Variants in MAP4K3 observed in about 807,000 individuals in gnomAD.
MAP4K3 encodes the protein MAPK/ERK kinase kinase kinase 3.
In MAP4K3, 94 loss-of-function variants were observed where a neutral mutation model predicts 143.5. The ratio of observed to expected loss-of-function variants is 0.65; its 90% CI spans 0.55 to 0.78. The LOEUF (loss-of-function observed/expected upper bound fraction) is 0.78. Ranked by LOEUF, MAP4K3 falls within the 30% of genes least tolerant of loss-of-function variation. MAP4K3 has a pLI of 0.00. For synonymous variants in MAP4K3, 416 were observed against 347.2 expected (o/e 1.20, Z -2.20); for missense variants, 1,077 against 1,068.1 (o/e 1.01, Z -0.12).
At chr2:39,365,823 C>T (rs1478794596) in intron 2 of MAP4K3, among the ~76,000 whole-genome samples, 1 of 152,140 alleles carries the variant, frequency 6.6e-6, no homozygotes, top group Non-Finnish European at 1.5e-5. Context: ...GTTTCTCATG[C>T]CATTGTTATG....
chr2:39,392,911 C>A (rs1331076042), intron 1 of MAP4K3, among the ~76,000 whole-genome samples: 1 of 152,128 alleles, frequency 6.6e-6, no homozygotes, highest in Non-Finnish European at 1.5e-5. Context: ...AAACTGTGAG[C>A]CAAATAAATC....
chr2:39,310,124 C>T (rs2148499850), intron 13 of MAP4K3, among the ~76,000 whole-genome samples: 1 of 152,252 alleles, frequency 6.6e-6, no homozygotes, highest in East Asian at 1.9e-4. Context: ...GGGAACATTC[C>T]AAATCTTCTA....
Position 39,280,259 on chromosome 2 carries a change from C to A in MAP4K3, c.1714+13G>T. ...AAATTAGGAAGATAACAGATAAAAA[C>A]ACACAATACTACCTCTTGTATCTGG... On this transcript the variant is annotated intron_variant, in intron 23 of 33. Transcript: ENST00000263881. 7.0e-7 allele frequency: 1 copy of A among 1,436,782 alleles called. No individual in the cohort carries two copies. Among genetic ancestry groups the A allele is most frequent in the Non-Finnish European group, 9.4e-7 (1 of 1,066,160 alleles). 89.0% of individuals were successfully genotyped at this position (1,436,782 alleles called of 1,614,324 possible). A position where few individuals can be genotyped will look rare whatever the true frequency, so the allele number is the denominator to read the frequency against.
intron 1 of MAP4K3, among the ~76,000 whole-genome samples, chr2:39,401,384 C>A (rs1666949624): frequency 6.6e-6 from 1 of 152,138 alleles, no homozygotes; most frequent in African/African-American, 2.4e-5. Flanking sequence ...ATCGGCCAGA[C>A]TGGAAAACTT....
At chr2:39,291,458 T>C (rs1235861624) in intron 18 of MAP4K3, among the ~76,000 whole-genome samples, 1 of 152,236 alleles carries the variant, frequency 6.6e-6, no homozygotes, top group Non-Finnish European at 1.5e-5. Context: ...TATCACATTG[T>C]AAACTTCATT....
intron 26 of MAP4K3, among the ~76,000 whole-genome samples, chr2:39,269,291 G>GTA (rs1308696932): frequency 6.6e-6 from 1 of 151,800 alleles, no homozygotes; most frequent in Non-Finnish European, 1.5e-5. Flanking sequence ...TCGTAGTACT[G>GTA]TAATTTTAAC....
intron 2 of MAP4K3, among the ~76,000 whole-genome samples, chr2:39,368,961 G>A (rs967256838): frequency 4.6e-5 from 7 of 151,960 alleles, no homozygotes; most frequent in Non-Finnish European, 8.8e-5. Flanking sequence ...TATCAATCAC[G>A]TTTTAAGTTC....
Position 39,427,660 on chromosome 2 carries a change from A to G in MAP4K3, c.96+9232T>C, listed in dbSNP as rs1447529149. Reference sequence around the variant, plus strand: ...TGCAAATTTAACGGTAACCACCAAAAGCATAAAAGTAAAATCTTTTAACTT... The same window carrying G: ...TGCAAATTTAACGGTAACCACCAAAGGCATAAAAGTAAAATCTTTTAACTT... On this transcript the variant is annotated intron_variant, in intron 1 of 33. Coordinates refer to ENST00000263881, the MANE Select transcript of MAP4K3 (RefSeq NM_003618.4). 2.0e-5 allele frequency among the ~76,000 whole-genome samples: 3 copies of G among 152,208 alleles called. No individual in the cohort carries two copies. In the East Asian group the frequency reaches 5.8e-4, roughly 29 times the overall value.
intron 24 of MAP4K3, among the ~76,000 whole-genome samples, chr2:39,277,874 A>T (rs1681338659): frequency 6.6e-6 from 1 of 151,314 alleles, no homozygotes; most frequent in Admixed American, 6.6e-5. Context: ...CGTCATGAGG[A>T]TTTTAAGAAT....
chr2:39,356,341 TG>T lies in MAP4K3; in HGVS notation c.155-3del. On this transcript the variant is annotated splice_polypyrimidine_tract_variant and splice_region_variant and intron_variant, in intron 2 of 33. Transcript: ENST00000263881. The stretch of plus-strand genomic sequence containing the variant: ...GCTGCACAACTGCAAAGTCTTCTCC[TG>T]GAATAAAAAACAAGCATGTTGAATA... 6.5e-7 allele frequency: 1 copy of T among 1,548,458 alleles called. No individual in the cohort carries two copies. The highest frequency in any genetic ancestry group is 8.8e-7 in the Non-Finnish European group (1 of 1,131,420).
At chr2:39,274,317 C>T (rs1312112392) in intron 24 of MAP4K3, among the ~76,000 whole-genome samples, 6 of 151,436 alleles carry the variant, frequency 4.0e-5, no homozygotes, top group Admixed American at 6.6e-5. Context: ...CCCAGGTTCA[C>T]GCCCTTCTCC....
chr2:39,368,195 C>T (rs1044281882), intron 2 of MAP4K3, among the ~76,000 whole-genome samples: 4 of 152,052 alleles, frequency 2.6e-5, no homozygotes, highest in African/African-American at 9.7e-5. Flanking sequence ...ATGGCAGCAA[C>T]CCTACAGTTT....
At chr2:39,260,492 G>T in intron 29 of MAP4K3, 114 bp downstream of exon 29, 1 of 756,582 alleles carries the variant, frequency 1.3e-6, no homozygotes. Flanking sequence ...TTTAATAATA[G>T]TTATTGAAGA....
At chr2:39,371,190 G>A (rs1277609022) in intron 2 of MAP4K3, among the ~76,000 whole-genome samples, 1 of 152,064 alleles carries the variant, frequency 6.6e-6, no homozygotes, top group Non-Finnish European at 1.5e-5. Context: ...AAAGATAAGA[G>A]TTTTTGTAAT....
intron 1 of MAP4K3, among the ~76,000 whole-genome samples, chr2:39,415,980 A>AAAAAAAAAAAAAAAAT (rs1553318573): frequency 6.8e-5 from 1 of 14,758 alleles, no homozygotes; most frequent in Non-Finnish European, 1.5e-4. Flanking sequence ...AAAAAAAAAA[A>AAAAAAAAAAAAAAAAT]ATATATATAT....
intron 15 of MAP4K3, among the ~76,000 whole-genome samples, chr2:39,302,310 T>C (rs1258349097): frequency 1.3e-5 from 2 of 152,120 alleles, no homozygotes; most frequent in African/African-American, 2.4e-5. Flanking sequence ...ATAGCAACCA[T>C]GGAACAAAAC....
At chr2:39,264,435 T>C (rs1303667649) in intron 28 of MAP4K3, among the ~76,000 whole-genome samples, 1 of 152,230 alleles carries the variant, frequency 6.6e-6, no homozygotes, top group Admixed American at 6.5e-5. Flanking sequence ...CTAGATTTCT[T>C]AGTCACTTAC....
chr2:39,390,905 G>A (rs1280201205), intron 1 of MAP4K3, among the ~76,000 whole-genome samples: 2 of 152,046 alleles, frequency 1.3e-5, no homozygotes, highest in Non-Finnish European at 2.9e-5. Context: ...CAGAAATCCT[G>A]CCCATATTCT....
At chr2:39,311,142 A>G (rs1433834354) in intron 13 of MAP4K3, among the ~76,000 whole-genome samples, 1 of 152,122 alleles carries the variant, frequency 6.6e-6, no homozygotes, top group African/African-American at 2.4e-5. Flanking sequence ...TAATGGCGCG[A>G]TCTCAGCTCA....
Sources: allele counts gnomAD v4.1 joint callset (sites outside exome capture counted in the v4.1 genomes callset), GRCh38; gene constraint gnomAD v4.1.1; transcripts MANE v1.5; gene names NCBI Gene and HGNC (gene_info 2026-07-23, HGNC 2026-07-21).